The following CYP2F1 variants were observed in gnomAD, a reference collection of about 807,000 sequenced individuals.
The protein encoded by CYP2F1 is cytochrome P450 2F1.
Under a neutral mutation model 40.4 loss-of-function variants are expected in CYP2F1, and 33 were observed. The ratio of observed to expected loss-of-function variants is 0.82; its 90% CI spans 0.62 to 1.09. The LOEUF (loss-of-function observed/expected upper bound fraction) is 1.09. CYP2F1 is among the 50% of genes least tolerant of loss of function. CYP2F1 has a pLI of 0.00. For synonymous variants in CYP2F1, 235 were observed against 277.2 expected, an observed-to-expected ratio of 0.85 and a Z score of 1.51; for missense variants, 566 against 655.7, an observed-to-expected ratio of 0.86 and a Z score of 1.49.
chr19:41,125,432 A>G (rs2032494297), intron 8 of CYP2F1, 61 bp from the exon 9 acceptor site: 1 of 890,966 alleles, frequency 1.1e-6, no homozygotes, highest in Admixed American at 2.4e-5. Flanking sequence ...ATACAATGGA[A>G]AGGAGTTTGG....
chr19:41,117,124 T>C (rs974710716), intron 3 of CYP2F1, among the ~76,000 whole-genome samples: 10 of 151,968 alleles, frequency 6.6e-5, no homozygotes, highest in Admixed American at 5.2e-4. Context: ...GTCCCTTTAG[T>C]CAAACTGAAT....
rs2032138273 is a variant in CYP2F1, at chr19:41,120,583, A to G, written c.484+87A>G. ...GGCAGCCTTGACCTCCTGGGCCCAAACCATCCTCCCACCTCAACCTCCCGA... is the reference window on the plus strand; with the variant it reads ...GGCAGCCTTGACCTCCTGGGCCCAAGCCATCCTCCCACCTCAACCTCCCGA... On this transcript the variant is annotated intron_variant, in intron 4 of 9. Transcript: ENST00000331105. 7 of 1,415,198 alleles carry G rather than the reference A, an allele frequency of 4.9e-6. No individual in the cohort carries two copies. The South Asian group carries it at 8.4e-5, about 17-fold the overall frequency. 87.7% of individuals were successfully genotyped at this position (1,415,198 alleles called of 1,614,324 possible).
At chr19:41,122,795 C>G (rs762879746) in intron 6 of CYP2F1, 27 bp from the exon 7 acceptor site, 2 of 1,514,112 alleles carry the variant, frequency 1.3e-6, no homozygotes, top group African/African-American at 2.8e-5. Flanking sequence ...ATTCCTGGCT[C>G]ACATCCCCAC....
At chr19:41,115,972 G>A (rs895263660) in intron 1 of CYP2F1, among the ~76,000 whole-genome samples, 1 of 151,900 alleles carries the variant, frequency 6.6e-6, no homozygotes, top group African/African-American at 2.4e-5. Context: ...TTATGTCTCT[G>A]TGTTTCTGTC....
At chr19:41,117,920 G>A (rs1432664305) in intron 3 of CYP2F1, among the ~76,000 whole-genome samples, 1 of 152,016 alleles carries the variant, frequency 6.6e-6, no homozygotes, top group African/African-American at 2.4e-5. Flanking sequence ...CGCAATCTCA[G>A]CTCACTGCAA....
At chr19:41,121,878 C>T (rs2032232059) in intron 5 of CYP2F1, 79 bp from the exon 6 acceptor site, 6 of 1,384,754 alleles carry the variant, frequency 4.3e-6, no homozygotes. Flanking sequence ...TCCCTGCCTA[C>T]CTAATCCACA....
intron 1 of CYP2F1, among the ~76,000 whole-genome samples, chr19:41,115,691 TGATA>T (rs372216849): frequency 0.044 from 6,639 of 151,494 alleles, 191 homozygotes; most frequent in South Asian, 0.088. Context: ...AGATGATAGA[TGATA>T]GATAGATAGA....
intron 7 of CYP2F1, among the ~76,000 whole-genome samples, chr19:41,123,822 C>T (rs2032372640): frequency 1.3e-5 from 2 of 152,168 alleles, no homozygotes; most frequent in African/African-American, 4.8e-5. Context: ...CCGCTCCTGC[C>T]TCCACCCGCT....
At position 41,116,209 on chromosome 19, in the gene CYP2F1, C is replaced by T. The variant is rs143667021; in HGVS notation, c.21C>T (p.Ala7=). Residue 7 remains alanine (A), a synonymous_variant, in exon 2 of 10, where the codon GCC becomes GCT. Coordinates refer to ENST00000331105, the MANE Select transcript of CYP2F1 (RefSeq NM_000774.5). MDSIST[A]ILLLLLALVC... The stretch of plus-strand genomic sequence containing the variant: ...TCACCATGGACAGCATAAGCACAGC[C>T]ATCTTACTCCTGCTCCTGGCTCTCG... The T allele has an allele frequency of 5.6e-6, 9 of 1,613,792 alleles. No homozygotes were observed. Among genetic ancestry groups the T allele is most frequent in the Non-Finnish European group, 6.8e-6 (8 of 1,179,920 alleles).
chr19:41,123,133 T>G (rs1156245364), intron 7 of CYP2F1, 170 bp downstream of exon 7: 3 of 759,422 alleles, frequency 4.0e-6, no homozygotes, highest in Non-Finnish European at 6.8e-6. Flanking sequence ...ACATGGCCCA[T>G]GAGGTCCATG....
intron 3 of CYP2F1, among the ~76,000 whole-genome samples, chr19:41,118,894 T>A (rs2031976247): frequency 6.6e-6 from 1 of 152,234 alleles, no homozygotes; most frequent in African/African-American, 2.4e-5. Context: ...CTTTAGTATC[T>A]AGTTCTCTGC....
chr19:41,122,133 G>A lies in CYP2F1; in HGVS notation c.822G>A (p.Glu274=). Residue 274 remains glutamate (E), a splice_region_variant and synonymous_variant, in exon 6 of 10, where the codon GAG becomes GAA. Transcript: ENST00000331105. ...FIQCFLTKMA[E]EKEDPLSHFH... ...AGTGCTTCCTCACCAAGATGGCAGAGGTAATCCCTACCTGGAAATCCCACC... is the reference window on the plus strand; with the variant it reads ...AGTGCTTCCTCACCAAGATGGCAGAAGTAATCCCTACCTGGAAATCCCACC... The A allele has an allele frequency of 6.5e-7, 1 of 1,531,884 alleles. No homozygotes were observed. Among genetic ancestry groups the A allele is most frequent in the Non-Finnish European group, 9.0e-7 (1 of 1,116,370 alleles). 94.9% of individuals were successfully genotyped at this position (1,531,884 alleles called of 1,614,324 possible).
intron 9 of CYP2F1, among the ~76,000 whole-genome samples, chr19:41,126,735 AGAGC>A (rs1413130571): frequency 6.6e-6 from 1 of 152,136 alleles, no homozygotes; most frequent in African/African-American, 2.4e-5. Flanking sequence ...TCTGGGCAAC[AGAGC>A]GAGATCCTTT....
chr19:41,127,813 C>T (rs550822719), intron 9 of CYP2F1, 88 bp from the exon 10 acceptor site: 2 of 962,160 alleles, frequency 2.1e-6, no homozygotes, highest in East Asian at 2.6e-5. Context: ...GTCTTCCTTT[C>T]CTCTTATGTT....
intron 3 of CYP2F1, among the ~76,000 whole-genome samples, chr19:41,117,332 A>T (rs566797114): frequency 2.0e-5 from 3 of 151,918 alleles, no homozygotes; most frequent in Non-Finnish European, 2.9e-5. Flanking sequence ...GGGTTTTGCC[A>T]TGTTGGTCAG....
At chr19:41,115,689 G>A (rs1182278627) in intron 1 of CYP2F1, among the ~76,000 whole-genome samples, 1 of 151,184 alleles carries the variant, frequency 6.6e-6, no homozygotes, top group African/African-American at 2.4e-5. Context: ...ACAGATGATA[G>A]ATGATAGATA....
chr19:41,123,125 A>G (rs2032330288), intron 7 of CYP2F1, 162 bp downstream of exon 7: 1 of 783,078 alleles, frequency 1.3e-6, no homozygotes, highest in Non-Finnish European at 2.2e-6. Flanking sequence ...ATCCCACCAC[A>G]TGGCCCATGA....
At chr19:41,118,274 AAAGG>A (rs2031939486) in intron 3 of CYP2F1, among the ~76,000 whole-genome samples, 1 of 151,886 alleles carries the variant, frequency 6.6e-6, no homozygotes, top group Non-Finnish European at 1.5e-5. Flanking sequence ...AGAAGGAAGG[AAAGG>A]AAGGAGGGAG....
chr19:41,121,393 T>C, intron 4 of CYP2F1, 65 bp from the exon 5 acceptor site: 1 of 1,477,632 alleles, frequency 6.8e-7, no homozygotes, highest in Non-Finnish European at 9.2e-7. Flanking sequence ...TTAATGGTGT[T>C]GCTGCATGAG....
Sources: gnomAD v4.1 joint callset for allele counts (sites outside exome capture counted in the v4.1 genomes callset) on GRCh38, gnomAD v4.1.1 for gene constraint, MANE v1.5 for transcripts, NCBI Gene and HGNC (gene_info 2026-07-23, HGNC 2026-07-21) for gene names.